LDB3: variants seen among roughly 807,000 people sequenced by gnomAD.
LDB3 encodes LIM domain-binding protein 3.
Under a neutral mutation model 69.0 loss-of-function variants are expected in LDB3, and 49 were observed. The observed-to-expected ratio is 0.71, with a 90% CI of 0.56 to 0.90. The LOEUF (loss-of-function observed/expected upper bound fraction) is 0.90, where lower values mean the gene tolerates loss of function less well. Ranked by LOEUF, LDB3 falls within the 40% of genes least tolerant of loss-of-function variation. The pLI is 0.00. For synonymous variants in LDB3, 387 were observed against 396.2 expected (o/e 0.98, Z 0.28); for missense variants, 928 against 974.1 (o/e 0.95, Z 0.63).
chr10:86,672,643 G>A (rs1564628656), intron 2 of LDB3, among the ~76,000 whole-genome samples: 1 of 149,416 alleles, frequency 6.7e-6, no homozygotes, highest in African/African-American at 2.5e-5. Flanking sequence ...CTATCAACAG[G>A]GGAAGATAAA....
At chr10:86,731,459 G>A (rs771865878) in intron 13 of LDB3, among the ~76,000 whole-genome samples, 5 of 151,930 alleles carry the variant, frequency 3.3e-5, no homozygotes, top group East Asian at 2.0e-4. Context: ...TCCTGATCTC[G>A]TGGTCCTCCT....
At chr10:86,677,561 C>A (rs1844866524) in intron 2 of LDB3, among the ~76,000 whole-genome samples, 1 of 152,150 alleles carries the variant, frequency 6.6e-6, no homozygotes, top group Non-Finnish European at 1.5e-5. Context: ...CAAGTAATGT[C>A]CCAGGAGGTG....
chr10:86,692,129 G>A, intron 6 of LDB3, 64 bp downstream of exon 6: 1 of 1,582,720 alleles, frequency 6.3e-7, no homozygotes, highest in Non-Finnish European at 8.6e-7. Flanking sequence ...CAGGGACCTG[G>A]GCCCAGCACT....
In LDB3 at chr10:86,706,605, C is replaced by T. The variant is rs776233808; in HGVS notation, c.971C>T (p.Pro324Leu). The part of the protein sequence containing the change: ...TPLLPASAQP[P>L]AAASPSAASP... The stretch of plus-strand genomic sequence containing the variant: ...CTGCTGCCCGCTTCTGCCCAGCCAC[C>T]TGCTGCTGCCTCTCCCAGTGCGGCT... The change falls in exon 8 of 14, where the codon CCT (proline) becomes CTT (leucine). Residue 324 changes from proline to leucine, a missense_variant. Physicochemically the swap from Pro to Leu is moderately conservative, Grantham distance 98 (BLOSUM62 -3). Coordinates refer to ENST00000361373, the MANE Select transcript of LDB3 (RefSeq NM_007078.3). 1.2e-6 allele frequency: 2 copies of T among 1,613,246 alleles called. No individual in the cohort carries two copies. The highest frequency in any genetic ancestry group is 2.2e-5 in the East Asian group (1 of 44,872).
chr10:86,704,577 ATTT>A (rs59411676), intron 7 of LDB3, among the ~76,000 whole-genome samples: 6 of 111,534 alleles, frequency 5.4e-5, no homozygotes, highest in Admixed American at 9.3e-5. Flanking sequence ...GCCCAGCTAA[ATTT>A]TTTTTTTTTT....
Position 86,711,227 on chromosome 10 carries a change from TC to T in LDB3, c.1231+1179del, listed in dbSNP as rs1426901788. Among the ~76,000 whole-genome samples the T allele has an allele frequency of 7.2e-5, 11 of 152,202 alleles. No individual in the cohort carries two copies. In the East Asian group the frequency reaches 1.9e-3, roughly 27 times the overall value. Reference sequence around the variant, plus strand: ...TCCTGGGGAGGCGCTTCTGGCACCTTCCGGGGCGGCCTCCGGCTGTCTTCGC... The same window carrying T: ...TCCTGGGGAGGCGCTTCTGGCACCTTCGGGGCGGCCTCCGGCTGTCTTCGC... On this transcript the variant is annotated intron_variant, in intron 9 of 13. Coordinates refer to ENST00000361373, the MANE Select transcript of LDB3 (RefSeq NM_007078.3).
At chr10:86,728,575 A>T (rs563466239) in intron 13 of LDB3, among the ~76,000 whole-genome samples, 1 of 106,246 alleles carries the variant, frequency 9.4e-6, no homozygotes, top group South Asian at 3.3e-4. Context: ...AAAGTGGAAC[A>T]TGGTTCTTTT....
chr10:86,732,009 C>CTTT (rs1323088769), intron 13 of LDB3, among the ~76,000 whole-genome samples: 1 of 91,046 alleles, frequency 1.1e-5, no homozygotes, highest in Admixed American at 1.2e-4. Flanking sequence ...CTTTCTTTTT[C>CTTT]TTTTTTTTTT....
chr10:86,722,645 G>GCAA (rs1016617973), intron 12 of LDB3, among the ~76,000 whole-genome samples: 3 of 127,998 alleles, frequency 2.3e-5, no homozygotes, highest in African/African-American at 8.9e-5. Context: ...TTGACTCACT[G>GCAA]CAACCTCCGC....
At chr10:86,683,615 C>T (rs1334040198) in intron 5 of LDB3, among the ~76,000 whole-genome samples, 2 of 152,244 alleles carry the variant, frequency 1.3e-5, no homozygotes, top group Admixed American at 1.3e-4. Flanking sequence ...CAGAGTCTGA[C>T]GTTTCCTCCA....
At chr10:86,700,640 C>T (rs1288643319) in intron 7 of LDB3, among the ~76,000 whole-genome samples, 2 of 152,174 alleles carry the variant, frequency 1.3e-5, no homozygotes, top group African/African-American at 4.8e-5. Flanking sequence ...GCTCCCAGCT[C>T]CCACCCACCT....
chr10:86,679,374 C>G lies in LDB3; in HGVS notation c.101C>G (p.Pro34Arg). ...NMPLTISRITPGSKAAQSQLS... is the reference protein window; with the variant it reads ...NMPLTISRITRGSKAAQSQLS... ...CCTCCACTATCCAATCAGATCACAC[C>G]AGGCAGCAAGGCAGCCCAGTCCCAG... Residue 34 changes from proline to arginine, a missense_variant, in exon 3 of 14, where the codon CCA becomes CGA. Coordinates refer to ENST00000361373, the MANE Select transcript of LDB3 (RefSeq NM_007078.3). 6.2e-7 allele frequency: 1 copy of G among 1,614,156 alleles called. No individual in the cohort carries two copies. The highest frequency in any genetic ancestry group is 1.1e-5 in the South Asian group (1 of 91,080).
chr10:86,695,856 G>A (rs981587705), intron 7 of LDB3, among the ~76,000 whole-genome samples: 1 of 152,216 alleles, frequency 6.6e-6, no homozygotes, highest in Non-Finnish European at 1.5e-5. Context: ...CCACTGCTGG[G>A]GGGAACTATC....
intron 5 of LDB3, among the ~76,000 whole-genome samples, chr10:86,683,960 C>T (rs1845304868): frequency 6.6e-6 from 1 of 152,204 alleles, no homozygotes; most frequent in Non-Finnish European, 1.5e-5. Flanking sequence ...GGGTAATTTG[C>T]CCGGAGTCAC....
intron 8 of LDB3, among the ~76,000 whole-genome samples, chr10:86,709,577 G>A (rs1301304075): frequency 6.6e-6 from 1 of 152,100 alleles, no homozygotes; most frequent in East Asian, 1.9e-4. Flanking sequence ...TCTGACCAGC[G>A]CCATCTCTCT....
At chr10:86,723,268 TAAAAAAAAA>T (rs56259917) in intron 12 of LDB3, among the ~76,000 whole-genome samples, 5 of 49,108 alleles carry the variant, frequency 1.0e-4, no homozygotes, top group African/African-American at 1.7e-4. Flanking sequence ...AGACTCAATC[TAAAAAAAAA>T]AAAAAAAAAA....
At chr10:86,731,480 T>C (rs58418100) in intron 13 of LDB3, among the ~76,000 whole-genome samples, 68,398 of 151,818 alleles carry the variant, frequency 0.45, 17,073 homozygotes, top group African/African-American at 0.66. Context: ...GCCTCGGCCT[T>C]CCAAAATGCT....
intron 10 of LDB3, among the ~76,000 whole-genome samples, chr10:86,717,432 C>T (rs530066661): frequency 2.6e-5 from 4 of 152,340 alleles, no homozygotes; most frequent in Admixed American, 2.6e-4. Context: ...GTTCTGACTG[C>T]TAACCTGGAA....
chr10:86,671,048 G>A (rs111510079), intron 2 of LDB3, among the ~76,000 whole-genome samples: 3 of 152,334 alleles, frequency 2.0e-5, no homozygotes, highest in African/African-American at 7.2e-5. Flanking sequence ...GCTCTCTGGA[G>A]GAACCCCACT....
Sources: gnomAD v4.1 joint callset for allele counts (sites outside exome capture counted in the v4.1 genomes callset) on GRCh38, gnomAD v4.1.1 for gene constraint, MANE v1.5 for transcripts, NCBI Gene and HGNC (gene_info 2026-07-23, HGNC 2026-07-21) for gene names.